Variants in ZMYM4 observed in about 807,000 individuals in gnomAD.
ZMYM4 encodes the protein zinc finger MYM-type protein 4.
In ZMYM4, 31 loss-of-function variants were observed where a neutral mutation model predicts 183.2. That is an observed-to-expected ratio of 0.17 (90% CI 0.13 to 0.23). ZMYM4 has a LOEUF of 0.23. Ranked by LOEUF, ZMYM4 falls within the 10% of genes least tolerant of loss-of-function variation. ZMYM4 has a pLI of 1.00. For synonymous variants in ZMYM4, 592 were observed against 631.2 expected (o/e 0.94, Z 0.93); for missense variants, 1,273 against 1,840.3 (o/e 0.69, Z 5.64).
chr1:35,408,014 C>G lies in ZMYM4; in HGVS notation c.3803C>G (p.Ser1268Cys). The G allele has an allele frequency of 1.2e-6, 2 of 1,614,196 alleles. No individual in the cohort carries two copies. Residue 1268 changes from serine (S) to cysteine (C), a missense_variant, in exon 26 of 30, where the codon TCT becomes TGT. Ser to Cys is a moderately radical substitution (Grantham distance 112, BLOSUM62 -1). Around this residue, in one of 6 missense-constraint regions of ZMYM4, gnomAD observed 133 missense variants for 155.7 expected, o/e 0.85. Coordinates refer to ENST00000314607, the MANE Select transcript of ZMYM4 (RefSeq NM_005095.3). ...ESSEPGCRVRSIKLKEDILSC... is the reference protein window; with the variant it reads ...ESSEPGCRVRCIKLKEDILSC... ...GTTTTCTACCTTTCCACAGTCCGCT[C>G]TATCAAGCTGAAGGAAGACATTCTG...
At chr1:35,375,559 T>C (rs933152188) in intron 7 of ZMYM4, among the ~76,000 whole-genome samples, 5 of 152,156 alleles carry the variant, frequency 3.3e-5, no homozygotes, top group Non-Finnish European at 2.9e-5. Context: ...ATGGAAAAAA[T>C]TTCCTCTCTG....
chr1:35,356,962 C>T (rs1048495416), intron 2 of ZMYM4, among the ~76,000 whole-genome samples: 2 of 152,220 alleles, frequency 1.3e-5, no homozygotes, highest in Non-Finnish European at 2.9e-5. Flanking sequence ...TAGCTTGCTG[C>T]AGCCTCAAAC....
rs1420581230 is a variant in ZMYM4, at chr1:35,390,043, C to T, written c.2532C>T (p.Ile844=). 1 of 1,613,918 alleles carries T rather than the reference C, an allele frequency of 6.2e-7. No homozygotes were observed. Among genetic ancestry groups the T allele is most frequent in the East Asian group, 2.2e-5 (1 of 44,852 alleles). Residue 844 remains isoleucine, a synonymous_variant, in exon 15 of 30, where the codon ATC becomes ATT. Transcript: ENST00000314607. ...EMKHFCNLLC[I]LMFCNQQSVC... ...AACATTTCTGTAACCTGCTTTGTATCTTGATGTTCTGTAATCAGCAAAGTG... is the reference window on the plus strand; with the variant it reads ...AACATTTCTGTAACCTGCTTTGTATTTTGATGTTCTGTAATCAGCAAAGTG...
At chr1:35,380,605 C>T (rs1015664983) in intron 7 of ZMYM4, among the ~76,000 whole-genome samples, 3 of 152,152 alleles carry the variant, frequency 2.0e-5, no homozygotes, top group East Asian at 1.9e-4. Flanking sequence ...GGATTACAGG[C>T]GTGAGCCACT....
intron 23 of ZMYM4, chr1:35,404,737 C>G (rs1644971065): frequency 4.7e-6 from 1 of 214,684 alleles, no homozygotes; most frequent in Non-Finnish European, 9.1e-6. Context: ...AGTAGTTATT[C>G]ATACCTCATC....
chr1:35,395,804 A>G (rs983693152), intron 18 of ZMYM4, among the ~76,000 whole-genome samples: 2 of 152,224 alleles, frequency 1.3e-5, no homozygotes, highest in East Asian at 1.9e-4. Flanking sequence ...ATTCAGTGCT[A>G]TACAGAAGTA....
Position 35,405,104 on chromosome 1 carries a change from A to G in ZMYM4, c.3610A>G (p.Thr1204Ala), listed in dbSNP as rs148893680. ...TCAAGGCTGCTCAGTGTCCGGGATG[A>G]CACTGAAATACATGTATGGGGTAAA... is the stretch of plus-strand genomic sequence containing the variant. ...AFQGCSVSGM[T>A]LKYMYGVNAW... Residue 1204 changes from threonine (T) to alanine (A), a missense_variant, in exon 24 of 30, where the codon ACA becomes GCA. Thr to Ala is a moderately conservative substitution (Grantham distance 58). Around this residue, in one of 6 missense-constraint regions of ZMYM4, gnomAD observed 133 missense variants for 155.7 expected, o/e 0.85. Transcript: ENST00000314607. 6.8e-6 allele frequency: 11 copies of G among 1,614,128 alleles called. No homozygotes were observed. In the Admixed American group the frequency reaches 1.7e-4, roughly 24 times the overall value.
chr1:35,384,934 C>T lies in ZMYM4; in HGVS notation c.1570-508C>T, dbSNP rs906565565. Among the ~76,000 whole-genome samples, 4 of 149,986 alleles carry T rather than the reference C, an allele frequency of 2.7e-5. No individual in the cohort carries two copies. In the South Asian group the frequency reaches 6.3e-4, roughly 24 times the overall value. On this transcript the variant is annotated intron_variant, in intron 9 of 29. Coordinates refer to ENST00000314607, the MANE Select transcript of ZMYM4 (RefSeq NM_005095.3). ...TCTCAGCTCGCTGCAAGCTCTGCCT[C>T]CTGGTTCACGCCATTCTCCTGCCTC...
chr1:35,371,638 C>A (rs551307042), intron 7 of ZMYM4, among the ~76,000 whole-genome samples: 1 of 152,206 alleles, frequency 6.6e-6, no homozygotes, highest in South Asian at 2.1e-4. Flanking sequence ...CTACTCAAAC[C>A]ATGATTCATT....
At chr1:35,392,079 A>T in intron 15 of ZMYM4, 133 bp from the exon 16 acceptor site, 1 of 1,144,756 alleles carries the variant, frequency 8.7e-7, no homozygotes, top group Non-Finnish European at 1.2e-6. Context: ...AAACCCAGTT[A>T]ATCCTAAAGT....
At chr1:35,366,283 T>A (rs1028128434) in intron 5 of ZMYM4, among the ~76,000 whole-genome samples, 1 of 152,190 alleles carries the variant, frequency 6.6e-6, no homozygotes, top group Non-Finnish European at 1.5e-5. Flanking sequence ...TTTTTCTTGA[T>A]CATAGTAAGG....
intron 1 of ZMYM4, among the ~76,000 whole-genome samples, chr1:35,286,551 T>C (rs1028126976): frequency 1.4e-4 from 21 of 151,748 alleles, no homozygotes; most frequent in African/African-American, 4.6e-4. Flanking sequence ...TGTAAGTTGC[T>C]TATTTCCCAT....
Position 35,397,460 on chromosome 1 carries a change from T to C in ZMYM4, c.3114T>C (p.Leu1038=), listed in dbSNP as rs1644829044. ...GTATTGAAGACATTAAAGAAAAGCT[T>C]CCCACACATCCATTTGAAGCTGATC... ...TESIEDIKEK[L]PTHPFEADLL... is the part of the protein sequence containing the mutation. Residue 1038 remains leucine (L), a synonymous_variant, in exon 20 of 30, where the codon CTT becomes CTC. Transcript: ENST00000314607. 1.2e-6 allele frequency: 2 copies of C among 1,613,326 alleles called. No homozygotes were observed. Among genetic ancestry groups the C allele is most frequent in the Non-Finnish European group, 1.7e-6 (2 of 1,179,696 alleles).
At chr1:35,271,071 T>G (rs969463146) in intron 1 of ZMYM4, among the ~76,000 whole-genome samples, 2 of 152,206 alleles carry the variant, frequency 1.3e-5, no homozygotes, top group Admixed American at 6.5e-5. Flanking sequence ...TGTTCAGTTT[T>G]GAACTAGATC....
At chr1:35,270,911 T>A (rs141138225) in intron 1 of ZMYM4, among the ~76,000 whole-genome samples, 1 of 152,218 alleles carries the variant, frequency 6.6e-6, no homozygotes, top group South Asian at 2.1e-4. Context: ...ATTTTTACCA[T>A]TGATAAGTTT....
intron 2 of ZMYM4, among the ~76,000 whole-genome samples, chr1:35,346,662 A>G (rs1287652362): frequency 1.3e-5 from 2 of 150,888 alleles, no homozygotes; most frequent in African/African-American, 2.4e-5. Flanking sequence ...AAAAAAAAAA[A>G]AAAAAAAAGA....
rs570513016 is a variant in ZMYM4, at chr1:35,401,546, T to C, written c.3528+1970T>C. 1.1e-4 allele frequency among the ~76,000 whole-genome samples: 17 copies of C among 152,296 alleles called. No individual in the cohort carries two copies. In the South Asian group the frequency reaches 3.5e-3, roughly 32 times the overall value. On this transcript the variant is annotated intron_variant, in intron 23 of 29. Coordinates refer to ENST00000314607, the MANE Select transcript of ZMYM4 (RefSeq NM_005095.3). ...CTGTGGACATAATTTCTTTATCAAA[T>C]CAACGTTTGGTCCTATTTTGTTACT... is the stretch of plus-strand genomic sequence containing the variant.
intron 13 of ZMYM4, among the ~76,000 whole-genome samples, 156 bp downstream of exon 13, chr1:35,387,760 T>A (rs1379256059): frequency 6.6e-6 from 1 of 152,254 alleles, no homozygotes; most frequent in African/African-American, 2.4e-5. Context: ...CATTCTTTTT[T>A]GATCTAGTTT....
intron 18 of ZMYM4, among the ~76,000 whole-genome samples, chr1:35,394,122 C>A (rs192213997): frequency 7.2e-6 from 1 of 138,444 alleles, no homozygotes; most frequent in Admixed American, 7.5e-5. Context: ...CACACTGTTT[C>A]AAATGAAGTC....
Sources: gnomAD v4.1 joint callset for allele counts (sites outside exome capture counted in the v4.1 genomes callset) on GRCh38, gnomAD v4.1.1 for gene constraint, gnomAD v4.1.1 regional missense constraint, MANE v1.5 for transcripts, NCBI Gene and HGNC (gene_info 2026-07-23, HGNC 2026-07-21) for gene names.